The following LRRC7 variants were observed in gnomAD, a reference collection of about 807,000 sequenced individuals.
LRRC7 encodes leucine rich repeat containing 7.
Under a neutral mutation model 175.7 loss-of-function variants are expected in LRRC7, and 23 were observed. The observed-to-expected ratio is 0.13, with a 90% confidence interval of 0.09 to 0.19. The LOEUF (loss-of-function observed/expected upper bound fraction) is 0.19. Among genes scored for constraint, LRRC7 ranks in the 10% least tolerant of loss-of-function variants. The pLI is 1.00. For missense variants in LRRC7, 1,354 were observed against 1,904.7 expected (o/e 0.71, Z 5.38); for synonymous variants, 685 against 680.9 (o/e 1.01, Z -0.09).
At chr1:69,909,192 C>G (rs2101694594) in intron 7 of LRRC7, among the ~76,000 whole-genome samples, 2 of 152,220 alleles carry the variant, frequency 1.3e-5, no homozygotes, top group East Asian at 1.9e-4. Flanking sequence ...TTCCTGAATA[C>G]AGCACACTGA....
At chr1:69,636,127 T>A (rs964294639) in intron 1 of LRRC7, among the ~76,000 whole-genome samples, 3 of 151,972 alleles carry the variant, frequency 2.0e-5, no homozygotes, top group Non-Finnish European at 4.4e-5. Context: ...ATGCATCAAT[T>A]CAATAGTACC....
chr1:69,991,725 G>A (rs764231899), intron 10 of LRRC7, among the ~76,000 whole-genome samples: 3 of 152,104 alleles, frequency 2.0e-5, no homozygotes, highest in Non-Finnish European at 4.4e-5. Context: ...AGTATTAATA[G>A]AGGGATATGG....
intron 7 of LRRC7, among the ~76,000 whole-genome samples, chr1:69,859,440 A>G (rs1684125518): frequency 6.6e-6 from 1 of 152,058 alleles, no homozygotes; most frequent in Admixed American, 6.6e-5. Context: ...GCTTTATTAC[A>G]TTAATTTATG....
At chr1:70,095,760 T>G (rs7538198) in intron 25 of LRRC7, among the ~76,000 whole-genome samples, 23,371 of 152,158 alleles carry the variant, frequency 0.15, 2,866 homozygotes, top group African/African-American at 0.33. Context: ...GTAAAGCTAA[T>G]GAACAATTAA....
chr1:69,579,703 T>C (rs1028401482), intron 1 of LRRC7, among the ~76,000 whole-genome samples: 2 of 152,044 alleles, frequency 1.3e-5, no homozygotes, highest in African/African-American at 4.8e-5. Flanking sequence ...AATTCCTTCT[T>C]CTCCTCCTTT....
At chr1:70,111,895 C>G (rs966867173) in intron 26 of LRRC7, among the ~76,000 whole-genome samples, 1 of 152,062 alleles carries the variant, frequency 6.6e-6, no homozygotes, top group African/African-American at 2.4e-5. Context: ...TTGATGACAT[C>G]TAGATTTTGC....
chr1:69,900,089 C>T (rs369878947), intron 7 of LRRC7, among the ~76,000 whole-genome samples: 7 of 152,148 alleles, frequency 4.6e-5, no homozygotes, highest in South Asian at 2.1e-4. Flanking sequence ...TATTTAAAAA[C>T]GTAAAAACCA....
At chr1:70,096,393 G>A (rs185875788) in intron 25 of LRRC7, among the ~76,000 whole-genome samples, 4 of 152,222 alleles carry the variant, frequency 2.6e-5, no homozygotes, top group South Asian at 2.1e-4. Flanking sequence ...TTTAAAAATC[G>A]TGTTGAATAA....
At chr1:69,657,818 T>A (rs902099089) in intron 1 of LRRC7, among the ~76,000 whole-genome samples, 1 of 151,930 alleles carries the variant, frequency 6.6e-6, no homozygotes, top group Non-Finnish European at 1.5e-5. Context: ...CCGTTCCTTA[T>A]TTCAGGTTCT....
In LRRC7 at chr1:69,717,853, G is replaced by GGAAAGAAAGAAAGAAAGGAAAGAAAGAAA. The variant is rs1553145880; in HGVS notation, c.100+39392_100+39393insGAAAGAAAGAAAGAAAGAAAGAAAGAAAG. Among the ~76,000 whole-genome samples, 6 of 15,628 alleles carry GGAAAGAAAGAAAGAAAGGAAAGAAAGAAA rather than the reference G, an allele frequency of 3.8e-4. 1 individual carries two copies. The highest frequency in any genetic ancestry group is 2.4e-3 in the African/African-American group (6 of 2,456). 10.3% of individuals were successfully genotyped at this position (15,628 alleles called of 152,430 possible). On this transcript the variant is annotated intron_variant, in intron 2 of 26. Coordinates refer to ENST00000651989, the MANE Select transcript of LRRC7 (RefSeq NM_001370785.2). The stretch of plus-strand genomic sequence containing the variant: ...AAGAAAGAAAGAAAAAAGAAAGAAA[G>GGAAAGAAAGAAAGAAAGGAAAGAAAGAAA]GAAAGAAAGAAAGAAAGAAAGAAAG...
intron 1 of LRRC7, among the ~76,000 whole-genome samples, chr1:69,650,855 C>T (rs115931896): frequency 0.015 from 2,349 of 152,302 alleles, 22 homozygotes; most frequent in Middle Eastern, 0.054. Flanking sequence ...ATTGGTTTGG[C>T]ACTGTCGATA....
rs59058337 is a variant in LRRC7, at chr1:69,764,649, C to T, written c.303+4256C>T. Among the ~76,000 whole-genome samples the T allele has an allele frequency of 7.2e-5, 11 of 151,848 alleles. No individual in the cohort carries two copies. In the South Asian group the frequency reaches 1.7e-3, roughly 23 times the overall value. On this transcript the variant is annotated intron_variant, in intron 3 of 26. Transcript: ENST00000651989. The stretch of plus-strand genomic sequence containing the variant: ...AAGTATTCTTCCTGGAAACCTGTTT[C>T]TTCATTAGTAAAACTCGGGAAGTAA...
chr1:70,085,327 G>A (rs184693508), intron 24 of LRRC7, among the ~76,000 whole-genome samples: 14 of 152,250 alleles, frequency 9.2e-5, no homozygotes, highest in African/African-American at 3.4e-4. Flanking sequence ...TGAGATATGA[G>A]TACAGATTTA....
chr1:69,663,711 T>G (rs946775058), intron 1 of LRRC7, among the ~76,000 whole-genome samples: 17 of 121,178 alleles, frequency 1.4e-4, no homozygotes, highest in Middle Eastern at 3.8e-3. Flanking sequence ...TTTTTTTTTT[T>G]TTTTTTTTTT....
At chr1:69,755,347 C>G (rs977410114) in intron 2 of LRRC7, among the ~76,000 whole-genome samples, 1 of 145,438 alleles carries the variant, frequency 6.9e-6, no homozygotes, top group African/African-American at 2.5e-5. Flanking sequence ...TATATACACA[C>G]ACATATATAT....
intron 7 of LRRC7, among the ~76,000 whole-genome samples, chr1:69,842,280 A>G (rs1449509553): frequency 6.6e-6 from 1 of 152,112 alleles, no homozygotes; most frequent in Non-Finnish European, 1.5e-5. Flanking sequence ...AACTTTAAAT[A>G]AAACTGTTCC....
chr1:69,606,311 C>T (rs1647558405), intron 1 of LRRC7, among the ~76,000 whole-genome samples: 1 of 152,118 alleles, frequency 6.6e-6, no homozygotes, highest in Admixed American at 6.6e-5. Flanking sequence ...TGATGTCATA[C>T]ATTTTGTCTG....
intron 3 of LRRC7, among the ~76,000 whole-genome samples, chr1:69,782,669 G>C (rs962950826): frequency 6.6e-6 from 1 of 152,298 alleles, no homozygotes; most frequent in South Asian, 2.1e-4. Context: ...AGCCTTGAAA[G>C]CCACATTAAG....
intron 23 of LRRC7, among the ~76,000 whole-genome samples, chr1:70,072,463 T>A (rs1662459126): frequency 6.6e-6 from 1 of 152,238 alleles, no homozygotes; most frequent in African/African-American, 2.4e-5. Flanking sequence ...CCTCTAGATG[T>A]CTTGTCATTT....
Sources: gnomAD v4.1 joint callset for allele counts (sites outside exome capture counted in the v4.1 genomes callset) on GRCh38, gnomAD v4.1.1 for gene constraint, MANE v1.5 for transcripts, NCBI Gene and HGNC (gene_info 2026-07-23, HGNC 2026-07-21) for gene names.